RCL1: variants seen among roughly 807,000 people sequenced by gnomAD.
The protein encoded by RCL1 is RNA 3'-terminal phosphate cyclase-like protein.
In RCL1, 24 loss-of-function variants were observed where a neutral mutation model predicts 42.4. The ratio of observed to expected loss-of-function variants is 0.57; its 90% CI spans 0.41 to 0.80. The LOEUF (loss-of-function observed/expected upper bound fraction) is 0.80, where lower values mean the gene tolerates loss of function less well. Ranked by LOEUF, RCL1 falls within the 30% of genes least tolerant of loss-of-function variation. RCL1 has a pLI of 0.00. For synonymous variants in RCL1, 228 were observed against 177.3 expected (o/e 1.29, Z -2.27); for missense variants, 578 against 467.9 (o/e 1.24, Z -2.17).
chr9:4,844,532 G>C lies in RCL1; in HGVS notation c.718G>C (p.Gly240Arg). 2 of 1,611,438 alleles carry C rather than the reference G, an allele frequency of 1.2e-6. No individual in the cohort carries two copies. Among genetic ancestry groups the C allele is most frequent in the Non-Finnish European group, 1.7e-6 (2 of 1,178,590 alleles). ...MKGVNSGKSP[G>R]FGLSLVAETT... ...GTGCCTTTGTATCTCCAGGTCTCCG[G>C]GCTTTGGGTTGTCACTGGTTGCTGA... is the stretch of plus-strand genomic sequence containing the variant. Residue 240 changes from glycine (G) to arginine (R), a missense_variant, in exon 7 of 9, where the codon GGC (glycine) becomes CGC (arginine). Gly to Arg is a moderately radical substitution (Grantham distance 125). Transcript: ENST00000381750.
intron 5 of RCL1, chr9:4,839,695 T>G (rs906256699): frequency 2.9e-5 from 29 of 985,136 alleles, no homozygotes; most frequent in Non-Finnish European, 3.5e-5. Context: ...TCATTTCAGG[T>G]TTGTCCTTTG....
chr9:4,825,577 T>C (rs1816734580), intron 2 of RCL1, among the ~76,000 whole-genome samples: 1 of 152,178 alleles, frequency 6.6e-6, no homozygotes, highest in African/African-American at 2.4e-5. Context: ...CTTTTTCCCA[T>C]TTGAGTGACT....
chr9:4,810,481 G>T (rs1816135920), intron 1 of RCL1, among the ~76,000 whole-genome samples: 1 of 152,138 alleles, frequency 6.6e-6, no homozygotes, highest in Non-Finnish European at 1.5e-5. Flanking sequence ...TGTTGTATTT[G>T]TGACATATCT....
chr9:4,827,272 C>T, intron 3 of RCL1: 1 of 1,391,450 alleles, frequency 7.2e-7, no homozygotes, highest in Non-Finnish European at 9.5e-7. Context: ...TACCTAAGAA[C>T]CTTCAAAACA....
chr9:4,806,857 A>T (rs1815995004), intron 1 of RCL1, among the ~76,000 whole-genome samples: 1 of 152,158 alleles, frequency 6.6e-6, no homozygotes, highest in African/African-American at 2.4e-5. Context: ...TGTTTGGCAG[A>T]ATTTCATATG....
intron 1 of RCL1, among the ~76,000 whole-genome samples, chr9:4,798,699 C>T (rs189723746): frequency 3.3e-5 from 5 of 152,136 alleles, no homozygotes; most frequent in East Asian, 1.9e-4. Context: ...TATTTTATTT[C>T]GGCCTGGTTT....
rs371741356 is a variant in RCL1 at position 4,856,448 on chromosome 9, A to G, written c.972-3677A>G. Among the ~76,000 whole-genome samples, 287 of 152,224 alleles carry G rather than the reference A, an allele frequency of 1.9e-3. 1 individual carries two copies. Among genetic ancestry groups the G allele is most frequent in the African/African-American group, 6.8e-3 (281 of 41,532 alleles). On this transcript the variant is annotated intron_variant, in intron 8 of 8. Transcript: ENST00000381750. ...TTCAGTGATGGAGAAGAGCCTCTTT[A>G]CTGAGGCTAAATTCTATTCAGTGCC...
intron 1 of RCL1, among the ~76,000 whole-genome samples, chr9:4,814,538 A>C (rs572460666): frequency 1.3e-5 from 2 of 152,270 alleles, no homozygotes; most frequent in East Asian, 3.9e-4. Flanking sequence ...AAGTGTTGGG[A>C]TTCTAGGCAT....
chr9:4,806,017 G>GGTGTGTGTGTGTGT (rs58494209), intron 1 of RCL1, among the ~76,000 whole-genome samples: 2 of 142,740 alleles, frequency 1.4e-5, no homozygotes, highest in African/African-American at 2.6e-5. Context: ...ATACCATTGG[G>GGTGTGTGTGTGTGT]GTGTGTGTGT....
chr9:4,847,005 C>A (rs1284676255), intron 7 of RCL1, among the ~76,000 whole-genome samples: 11 of 151,682 alleles, frequency 7.3e-5, no homozygotes, highest in Admixed American at 7.2e-4. Context: ...CCTGCCTTAG[C>A]CTCCCATGTA....
At chr9:4,844,806 AT>A (rs1324208622) in intron 7 of RCL1, 125 bp downstream of exon 7, 4 of 937,908 alleles carry the variant, frequency 4.3e-6, no homozygotes, top group Admixed American at 2.6e-5. Flanking sequence ...GTTCCTGTGC[AT>A]TAAGCAGTTC....
intron 8 of RCL1, among the ~76,000 whole-genome samples, chr9:4,859,117 A>G (rs1818069919): frequency 6.6e-6 from 1 of 152,192 alleles, no homozygotes; most frequent in African/African-American, 2.4e-5. Flanking sequence ...AGCTGGGGTG[A>G]CGCTAGGTCT....
intron 8 of RCL1, among the ~76,000 whole-genome samples, chr9:4,854,510 G>A (rs1042527630): frequency 2.6e-5 from 4 of 152,052 alleles, no homozygotes; most frequent in Admixed American, 6.5e-5. Context: ...GCTTAGTGGA[G>A]GAGGACGCAG....
chr9:4,818,174 G>A (rs1816459896), intron 1 of RCL1, among the ~76,000 whole-genome samples: 1 of 151,996 alleles, frequency 6.6e-6, no homozygotes, highest in Admixed American at 6.6e-5. Flanking sequence ...ACCCGCCTCG[G>A]CCTCCCATAG....
intron 7 of RCL1, among the ~76,000 whole-genome samples, chr9:4,848,201 T>G (rs575628102): frequency 6.6e-6 from 1 of 152,234 alleles, no homozygotes; most frequent in Non-Finnish European, 1.5e-5. Flanking sequence ...GTTTTTCTTT[T>G]TGGGTAGAAA....
intron 1 of RCL1, among the ~76,000 whole-genome samples, chr9:4,795,100 CAG>C (rs1374817031): frequency 1.6e-4 from 25 of 151,530 alleles, no homozygotes; most frequent in African/African-American, 6.1e-4. Flanking sequence ...TTTTTTGAGA[CAG>C]AGTCTTACTC....
Position 4,851,979 on chromosome 9 carries a change from CA to C in RCL1, c.971+2431del, listed in dbSNP as rs576228823. ...CACTGCAAGCTCCGCCTCCCGGGTT[CA>C]ACGCCATTCTCCTACCTCAGCCTCC... On this transcript the variant is annotated intron_variant, in intron 8 of 8. Coordinates refer to ENST00000381750, the MANE Select transcript of RCL1 (RefSeq NM_005772.5). Among the ~76,000 whole-genome samples the C allele has an allele frequency of 5.2e-4, 79 of 151,738 alleles. No homozygotes were observed. In the East Asian group the frequency reaches 8.6e-3, roughly 16 times the overall value.
At chr9:4,845,209 G>T (rs569039483) in intron 7 of RCL1, among the ~76,000 whole-genome samples, 34 of 152,278 alleles carry the variant, frequency 2.2e-4, no homozygotes, top group Admixed American at 1.8e-3. Context: ...TAGAAAAGAA[G>T]AAAAAAATTT....
intron 8 of RCL1, among the ~76,000 whole-genome samples, chr9:4,851,157 T>G (rs118144975): frequency 0.013 from 1,932 of 152,284 alleles, 12 homozygotes; most frequent in Non-Finnish European, 0.021. Context: ...CAACACATCT[T>G]CTCACCAAAC....
Sources: allele counts gnomAD v4.1 joint callset (sites outside exome capture counted in the v4.1 genomes callset), GRCh38; gene constraint gnomAD v4.1.1; transcripts MANE v1.5; gene names NCBI Gene and HGNC (gene_info 2026-07-23, HGNC 2026-07-21).